Variants in DIDO1 observed in about 807,000 individuals in gnomAD.
The protein encoded by DIDO1 is death-inducer obliterator 1.
DIDO1 carries 16 observed loss-of-function variants against 99.4 expected under a neutral mutation model. That is an observed-to-expected ratio of 0.16 (90% CI 0.11 to 0.24). The LOEUF (loss-of-function observed/expected upper bound fraction) is 0.24. DIDO1 is among the 10% of genes least tolerant of loss of function. The probability of loss-of-function intolerance (pLI) is 1.00; values close to 1 mark genes in which losing one functional copy is unlikely to be tolerated. For synonymous variants in DIDO1, 1,366 were observed against 1,239.1 expected, an observed-to-expected ratio of 1.10 and a Z score of -2.15; for missense variants, 2,996 against 3,014.0, an observed-to-expected ratio of 0.99 and a Z score of 0.14.
chr20:62,879,348 C>T lies in DIDO1; in HGVS notation c.6608G>A (p.Arg2203Lys), dbSNP rs779110798. 24 of 1,551,894 alleles carry T rather than the reference C, an allele frequency of 1.5e-5. No homozygotes were observed. In the Admixed American group the frequency reaches 4.4e-4, roughly 29 times the overall value. The change falls in exon 16 of 16, where the codon AGG becomes AAG. Residue 2203 changes from arginine to lysine, a missense_variant. Physicochemically the swap from Arg to Lys is conservative, Grantham distance 26. Transcript: ENST00000395343. This position sits in a 1 kb window ranked among gnomAD's most constrained non-coding sequence, Gnocchi z 6.3. Reference protein sequence around the residue: ...RSRERDRDKARDRERGRDRKD... With the variant: ...RSRERDRDKAKDRERGRDRKD... ...GCGGTCGCGGCCCCGCTCCCTGTCC[C>T]TGGCCTTGTCTCGGTCCCGCTCTCT... is the stretch of plus-strand genomic sequence containing the variant.
intron 6 of DIDO1, among the ~76,000 whole-genome samples, chr20:62,899,997 T>A (rs764961054): frequency 2.0e-5 from 3 of 152,230 alleles, no homozygotes; most frequent in Non-Finnish European, 4.4e-5. Context: ...TTTGAACTAT[T>A]ACGTTGTGTA....
At chr20:62,890,698 C>T in intron 15 of DIDO1, 1 of 1,328,200 alleles carries the variant, frequency 7.5e-7, no homozygotes. Flanking sequence ...GACCTGAGGC[C>T]AAGATGAGCT....
chr20:62,882,355 G>A lies in DIDO1; in HGVS notation c.3601C>T (p.Arg1201Cys), dbSNP rs746413788. The A allele has an allele frequency of 1.9e-6, 3 of 1,613,976 alleles. No individual in the cohort carries two copies. The highest frequency in any genetic ancestry group is 8.5e-7 in the Non-Finnish European group (1 of 1,180,008). The change falls in exon 16 of 16, where the codon CGT becomes TGT. Residue 1201 changes from arginine to cysteine, a missense_variant. Arg to Cys is a radical substitution (Grantham distance 180). Around this residue, in one of 5 missense-constraint regions of DIDO1, gnomAD observed 135 missense variants for 202.3 expected, o/e 0.67. Coordinates refer to ENST00000395343, the MANE Select transcript of DIDO1 (RefSeq NM_001193369.2). ...TCTAACTCTCCACTGTTTGCGGGAC[G>A]TTTGATTTTTTGGCAGATTACTAAC... ...LGLVICQKIK[R>C]PANSGELDKM...
upstream of DIDO1, among the ~76,000 whole-genome samples, chr20:62,929,693 G>A (rs1460023003): frequency 0.022 from 2,122 of 97,346 alleles, 148 homozygotes; most frequent in African/African-American, 0.1. Context: ...AAAAGAAAAA[G>A]TGTATATATA....
chr20:62,913,797 T>C (rs1601008352), intron 2 of DIDO1, among the ~76,000 whole-genome samples: 2 of 152,264 alleles, frequency 1.3e-5, no homozygotes, highest in East Asian at 3.8e-4. Context: ...GCATCCATGC[T>C]GGTAGCTTTC....
chr20:62,892,668 C>T (rs1323886653), intron 13 of DIDO1, 141 bp downstream of exon 13: 5 of 1,208,396 alleles, frequency 4.1e-6, no homozygotes, highest in Non-Finnish European at 5.6e-6. Context: ...TTTCTGCATC[C>T]AGACAGACGG....
rs369737522 is a variant in DIDO1, at chr20:62,894,923, A to G, written c.2332-9T>C. Reference sequence around the variant, plus strand: ...GTTCTGGACTCCATCACCTGAAATGAAAAAGACGAAACAGAGCTTAGGCCT... The same window carrying G: ...GTTCTGGACTCCATCACCTGAAATGGAAAAGACGAAACAGAGCTTAGGCCT... On this transcript the variant is annotated splice_polypyrimidine_tract_variant and intron_variant, in intron 9 of 15. Transcript: ENST00000395343. The surrounding 1 kb of genome is among the most constrained non-coding windows in gnomAD (Gnocchi z 4.4). 83 of 1,612,300 alleles carry G rather than the reference A, an allele frequency of 5.1e-5. No individual in the cohort carries two copies. The highest frequency in any genetic ancestry group is 6.6e-5 in the Non-Finnish European group (78 of 1,179,272).
intron 1 of DIDO1, among the ~76,000 whole-genome samples, chr20:62,925,303 A>T (rs550385973): frequency 2.0e-5 from 3 of 152,302 alleles, no homozygotes; most frequent in South Asian, 2.1e-4. Flanking sequence ...ATGCTCATTT[A>T]AAAAAAGACT....
chr20:62,900,733 C>T (rs191249440), intron 6 of DIDO1, among the ~76,000 whole-genome samples: 40 of 152,350 alleles, frequency 2.6e-4, no homozygotes, highest in Middle Eastern at 3.4e-3. Context: ...CCTGCCCTGT[C>T]GCGGTACTGC....
At chr20:62,901,834 A>C (rs866480959) in intron 6 of DIDO1, among the ~76,000 whole-genome samples, 12 of 145,500 alleles carry the variant, frequency 8.2e-5, no homozygotes, top group East Asian at 4.1e-4. Flanking sequence ...AAAAAAAAAA[A>C]CCTAGTATTA....
Position 62,882,084 on chromosome 20 carries a change from G to A in DIDO1, c.3872C>T (p.Thr1291Ile). ...PAAPSPATAA[T>I]TAAAASTAAS... Reference sequence around the variant, plus strand: ...TGCCGTGGAGGCTGCCGCTGCTGTTGTGGCTGCTGTGGCTGGGCTGGGGGC... The same window carrying A: ...TGCCGTGGAGGCTGCCGCTGCTGTTATGGCTGCTGTGGCTGGGCTGGGGGC... Residue 1291 changes from threonine (T) to isoleucine (I), a missense_variant, in exon 16 of 16, where the codon ACA becomes ATA. Thr to Ile is a moderately conservative substitution (Grantham distance 89). This residue lies in a region of DIDO1 where 1,562 missense variants were observed against 1,412.6 expected (regional missense o/e 1.11). Transcript: ENST00000395343. 1 of 1,601,044 alleles carries A rather than the reference G, an allele frequency of 6.2e-7. No individual in the cohort carries two copies. Among genetic ancestry groups the A allele is most frequent in the Non-Finnish European group, 8.5e-7 (1 of 1,171,624 alleles).
intron 1 of DIDO1, among the ~76,000 whole-genome samples, chr20:62,923,764 A>G (rs1320217694): frequency 6.6e-6 from 1 of 152,228 alleles, no homozygotes; most frequent in African/African-American, 2.4e-5. Flanking sequence ...TTACCTTATT[A>G]TAAAGGTATA....
intron 4 of DIDO1, among the ~76,000 whole-genome samples, chr20:62,908,358 C>T (rs1482445275): frequency 6.6e-6 from 1 of 152,162 alleles, no homozygotes; most frequent in African/African-American, 2.4e-5. Flanking sequence ...AGACCACAGC[C>T]CCCGCTGCAC....
In DIDO1 at chr20:62,896,388, T is replaced by C. The variant is rs753600688; in HGVS notation, c.2059A>G (p.Asn687Asp). 3.7e-6 allele frequency: 6 copies of C among 1,613,994 alleles called. No individual in the cohort carries two copies. Among genetic ancestry groups the C allele is most frequent in the South Asian group, 2.2e-5 (2 of 91,076 alleles). ...SLKEILWKRV[N>D]DSDDLIMTEN... is the part of the protein sequence containing the mutation. ...GTCATGATTAAGTCATCGCTGTCAT[T>C]GACTCTGAACAGAATAAAAAAAAGG... is the stretch of plus-strand genomic sequence containing the variant. Residue 687 changes from asparagine (N) to aspartate (D), a missense_variant, in exon 8 of 16, where the codon AAT becomes GAT. By Grantham distance (23) the Asn-to-Asp change is conservative. Coordinates refer to ENST00000395343, the MANE Select transcript of DIDO1 (RefSeq NM_001193369.2). This position sits in a 1 kb window ranked among gnomAD's most constrained non-coding sequence, Gnocchi z 4.4.
At chr20:62,892,422 T>A (rs185205411) in intron 13 of DIDO1, among the ~76,000 whole-genome samples, 1 of 152,224 alleles carries the variant, frequency 6.6e-6, no homozygotes. Flanking sequence ...TGGTTAATTC[T>A]GAAAACTAAA....
rs761424470 is a variant in DIDO1, at chr20:62,880,884, T to G, written c.5072A>C (p.Gln1691Pro). 1.1e-5 allele frequency: 18 copies of G among 1,612,144 alleles called. No homozygotes were observed. The South Asian group carries it at 1.9e-4, about 17-fold the overall frequency. ...DPFTCPGFAS[Q>P]DKALGSAQYE... ...CTGGGCTGAGCCGAGAGCCTTGTCC[T>G]GCGACGCGAACCCCGGGCAGGTGAA... Residue 1691 changes from glutamine to proline, a missense_variant, in exon 16 of 16, where the codon CAG (glutamine) becomes CCG (proline). Around this residue, in one of 5 missense-constraint regions of DIDO1, gnomAD observed 1,562 missense variants for 1,412.6 expected, o/e 1.11. Coordinates refer to ENST00000395343, the MANE Select transcript of DIDO1 (RefSeq NM_001193369.2).
At chr20:62,931,475 G>C (rs2065331587), upstream of DIDO1, among the ~76,000 whole-genome samples, 1 of 152,190 alleles carries the variant, frequency 6.6e-6, no homozygotes, top group Non-Finnish European at 1.5e-5. Flanking sequence ...AAGGAACACA[G>C]CAAACAAGCC....
At chr20:62,885,444 C>T (rs1399447078) in intron 15 of DIDO1, among the ~76,000 whole-genome samples, 1 of 152,186 alleles carries the variant, frequency 6.6e-6, no homozygotes, top group Non-Finnish European at 1.5e-5. Context: ...AGAACTCAAA[C>T]TTTTAATGGC....
At chr20:62,931,670 A>G (rs2065333586) in intron 1 of DIDO1, among the ~76,000 whole-genome samples, 1 of 152,190 alleles carries the variant, frequency 6.6e-6, no homozygotes, top group Non-Finnish European at 1.5e-5. Context: ...AGGGATGTCC[A>G]TGAGGTCAGA....
Sources: gnomAD v4.1 joint callset for allele counts (sites outside exome capture counted in the v4.1 genomes callset) on GRCh38, gnomAD v4.1.1 for gene constraint, gnomAD v4.1.1 regional missense constraint, Gnocchi (gnomAD v3.1) non-coding constraint, MANE v1.5 for transcripts, NCBI Gene and HGNC (gene_info 2026-07-23, HGNC 2026-07-21) for gene names.